The following NFAT5 variants were observed in gnomAD, a reference collection of about 807,000 sequenced individuals.
NFAT5 encodes the protein nuclear factor of activated T-cells 5.
A neutral mutation model predicts 166.5 loss-of-function variants in NFAT5; 31 were observed. The observed-to-expected ratio is 0.19, with a 90% confidence interval of 0.14 to 0.25. The LOEUF is 0.25. NFAT5 is among the 10% of genes least tolerant of loss of function. NFAT5 has a pLI of 1.00. For missense variants in NFAT5, 1,449 were observed against 1,821.8 expected (o/e 0.80, Z 3.72); for synonymous variants, 612 against 639.7 (o/e 0.96, Z 0.65).
chr16:69,667,615 A>G (rs962790650), intron 7 of NFAT5, among the ~76,000 whole-genome samples: 1 of 152,220 alleles, frequency 6.6e-6, no homozygotes, highest in Non-Finnish European at 1.5e-5. Context: ...CCTTTAACAA[A>G]TAAATTTAAA....
chr16:69,694,082 T>C lies in NFAT5; in HGVS notation c.4257T>C (p.Pro1419=). ...TGCAACAGTCTCCTCTTTATTCCCCTCAGAACAACATGCCTGGAATTCAAG... is the reference window on the plus strand; with the variant it reads ...TGCAACAGTCTCCTCTTTATTCCCCCCAGAACAACATGCCTGGAATTCAAG... ...QDMQQSPLYS[P]QNNMPGIQGA... The change falls in exon 13 of 15, where the codon CCT becomes CCC. Residue 1419 remains proline, a synonymous_variant. Coordinates refer to ENST00000349945, the MANE Select transcript of NFAT5 (RefSeq NM_138713.4). 2.5e-6 allele frequency: 4 copies of C among 1,614,130 alleles called. No individual in the cohort carries two copies. Among genetic ancestry groups the C allele is most frequent in the Non-Finnish European group, 3.4e-6 (4 of 1,180,012 alleles).
rs1026661353 is a variant in NFAT5 at position 69,698,143 on chromosome 16, G to C, written c.*1792G>C. ...CACCCCTTTCTTTCTTTCTCTCTCT[G>C]ATTGAGAGGCATTGAATTACGTTTT... On this transcript the variant is annotated 3_prime_UTR_variant, in exon 15 of 15. Transcript: ENST00000349945. 2 of 151,634 alleles carry C rather than the reference G, an allele frequency of 1.3e-5. No homozygotes were observed. Among genetic ancestry groups the C allele is most frequent in the African/African-American group, 4.9e-5 (2 of 41,194 alleles). 9.4% of individuals were successfully genotyped at this position (151,634 alleles called of 1,614,324 possible).
intron 2 of NFAT5, among the ~76,000 whole-genome samples, chr16:69,620,552 A>G (rs1460983617): frequency 1.3e-5 from 2 of 152,186 alleles, no homozygotes; most frequent in Non-Finnish European, 2.9e-5. Flanking sequence ...TGGCCAACAT[A>G]GCAAGACCGC....
chr16:69,577,497 G>A (rs1183530868), intron 2 of NFAT5, among the ~76,000 whole-genome samples: 1 of 152,164 alleles, frequency 6.6e-6, no homozygotes, highest in East Asian at 1.9e-4. Context: ...AAAATACTGT[G>A]TTCCCTTTTA....
chr16:69,607,757 C>G (rs1276964226), intron 2 of NFAT5, among the ~76,000 whole-genome samples: 2 of 152,184 alleles, frequency 1.3e-5, no homozygotes, highest in African/African-American at 4.8e-5. Flanking sequence ...TTTTGGTCTT[C>G]TCATTTTCTA....
intron 9 of NFAT5, among the ~76,000 whole-genome samples, chr16:69,674,175 G>A (rs531918917): frequency 1.2e-4 from 18 of 151,230 alleles, no homozygotes; most frequent in African/African-American, 3.9e-4. Context: ...CCCAGGAGGC[G>A]GAGGTTGCAG....
At chr16:69,600,669 C>T (rs1269849483) in intron 2 of NFAT5, among the ~76,000 whole-genome samples, 2 of 142,770 alleles carry the variant, frequency 1.4e-5, no homozygotes, top group African/African-American at 5.2e-5. Context: ...GAGAAATAAA[C>T]AGTCATTTGC....
At chr16:69,658,353 C>T (rs1234951463) in intron 6 of NFAT5, among the ~76,000 whole-genome samples, 1 of 151,298 alleles carries the variant, frequency 6.6e-6, no homozygotes, top group African/African-American at 2.4e-5. Context: ...AGTGGTGGTG[C>T]ATGCCTGTAG....
Position 69,670,263 on chromosome 16 carries a change from A to G in NFAT5, c.1532A>G (p.Glu511Gly), listed in dbSNP as rs1236689122. The part of the protein sequence containing the change: ...SDENSWKSEA[E>G]IDMELFHQNH... Reference sequence around the variant, plus strand: ...GAAAACTCTTGGAAGTCAGAAGCTGAAATTGATATGGAACTATTTCATCAG... The same window carrying G: ...GAAAACTCTTGGAAGTCAGAAGCTGGAATTGATATGGAACTATTTCATCAG... Residue 511 changes from glutamate (E) to glycine (G), a missense_variant, in exon 9 of 15, where the codon GAA (glutamate) becomes GGA (glycine). This residue lies in a region of NFAT5 where 245 missense variants were observed against 366.6 expected (regional missense o/e 0.67). Transcript: ENST00000349945. 2 of 1,589,358 alleles carry G rather than the reference A, an allele frequency of 1.3e-6. No individual in the cohort carries two copies. The highest frequency in any genetic ancestry group is 1.7e-6 in the Non-Finnish European group (2 of 1,168,054).
At chr16:69,677,885 A>G (rs540880800) in intron 10 of NFAT5, among the ~76,000 whole-genome samples, 13 of 152,184 alleles carry the variant, frequency 8.5e-5, no homozygotes, top group Non-Finnish European at 1.8e-4. Flanking sequence ...GGGTGCGGTG[A>G]TGCACACCTG....
chr16:69,593,118 A>G (rs2151528673), intron 2 of NFAT5, among the ~76,000 whole-genome samples: 1 of 152,312 alleles, frequency 6.6e-6, no homozygotes, highest in East Asian at 1.9e-4. Context: ...ATGTATATAC[A>G]TACTCTTACT....
At chr16:69,595,683 C>T (rs2032751723) in intron 2 of NFAT5, among the ~76,000 whole-genome samples, 3 of 152,116 alleles carry the variant, frequency 2.0e-5, no homozygotes, top group Non-Finnish European at 2.9e-5. Context: ...CCTCAGCATA[C>T]GATTTTTTCT....
At chr16:69,569,933 T>C (rs775578501) in intron 2 of NFAT5, among the ~76,000 whole-genome samples, 11 of 152,204 alleles carry the variant, frequency 7.2e-5, no homozygotes, top group Non-Finnish European at 1.3e-4. Context: ...TTTATTCATA[T>C]TCAATTTGTG....
At chr16:69,590,935 A>G (rs993282122) in intron 2 of NFAT5, among the ~76,000 whole-genome samples, 4 of 151,856 alleles carry the variant, frequency 2.6e-5, no homozygotes, top group African/African-American at 9.7e-5. Flanking sequence ...CCCAAATTGT[A>G]TTTTCTTTTT....
At chr16:69,608,553 G>T (rs1000464552) in intron 2 of NFAT5, among the ~76,000 whole-genome samples, 2 of 151,632 alleles carry the variant, frequency 1.3e-5, no homozygotes, top group Non-Finnish European at 2.9e-5. Flanking sequence ...TCAGGAGATC[G>T]AGTCCATCCT....
intron 2 of NFAT5, among the ~76,000 whole-genome samples, chr16:69,623,150 A>T (rs1421534316): frequency 6.6e-6 from 1 of 151,938 alleles, no homozygotes; most frequent in Non-Finnish European, 1.5e-5. Flanking sequence ...CATCTCAAAG[A>T]AAAAAAATGG....
intron 6 of NFAT5, 86 bp from the exon 7 acceptor site, chr16:69,659,641 A>G: frequency 1.7e-6 from 2 of 1,204,008 alleles, no homozygotes; most frequent in East Asian, 2.6e-5. Context: ...TAGATAAGCA[A>G]AATTTTAAAA....
At chr16:69,580,952 G>T (rs1185612214) in intron 2 of NFAT5, among the ~76,000 whole-genome samples, 3 of 152,200 alleles carry the variant, frequency 2.0e-5, no homozygotes, top group African/African-American at 7.2e-5. Flanking sequence ...GCCGCACCCG[G>T]CCGAAATCCA....
intron 2 of NFAT5, among the ~76,000 whole-genome samples, chr16:69,585,939 T>C (rs923770154): frequency 6.6e-6 from 1 of 152,208 alleles, no homozygotes; most frequent in African/African-American, 2.4e-5. Context: ...ATAATGGTAA[T>C]GGTTGCACAA....
Sources: gnomAD v4.1 joint callset for allele counts (sites outside exome capture counted in the v4.1 genomes callset) on GRCh38, gnomAD v4.1.1 for gene constraint, gnomAD v4.1.1 regional missense constraint, MANE v1.5 for transcripts, NCBI Gene and HGNC (gene_info 2026-07-23, HGNC 2026-07-21) for gene names.